Variants in SERPINB8 observed in about 807,000 individuals in gnomAD.
SERPINB8 encodes the protein serpin family B member 8, also known as serpin B8.
Under a neutral mutation model 35.3 loss-of-function variants are expected in SERPINB8, and 25 were observed. The observed-to-expected ratio is 0.71, with a 90% CI of 0.52 to 0.99. The LOEUF is 0.99. SERPINB8 is among the 50% of genes least tolerant of loss of function. SERPINB8 has a pLI of 0.00. For synonymous variants in SERPINB8, 186 were observed against 160.8 expected, an observed-to-expected ratio of 1.16 and a Z score of -1.19; for missense variants, 484 against 446.5, an observed-to-expected ratio of 1.08 and a Z score of -0.76.
intron 6 of SERPINB8, chr18:63,986,167 G>A: frequency 1.7e-6 from 2 of 1,147,192 alleles, no homozygotes; most frequent in South Asian, 1.4e-5. Context: ...TTGGAGAGGA[G>A]TACCCACCTG....
intron 1 of SERPINB8, among the ~76,000 whole-genome samples, chr18:63,974,450 G>C (rs192338571): frequency 6.6e-6 from 1 of 152,228 alleles, no homozygotes; most frequent in Non-Finnish European, 1.5e-5. Flanking sequence ...TCATATACTT[G>C]GAAACGTAAG....
intron 1 of SERPINB8, among the ~76,000 whole-genome samples, chr18:63,973,240 A>G (rs963564761): frequency 9.2e-5 from 14 of 152,244 alleles, no homozygotes; most frequent in Non-Finnish European, 1.8e-4. Flanking sequence ...TCTGATGACC[A>G]GTGATGATGA....
At chr18:64,012,991 A>G (rs2050932637) in intron 7 of SERPINB8, among the ~76,000 whole-genome samples, 1 of 152,182 alleles carries the variant, frequency 6.6e-6, no homozygotes, top group Non-Finnish European at 1.5e-5. Context: ...GAATTTCAGA[A>G]TTAGAAGAGT....
At chr18:64,001,236 T>C (rs1007349509) in intron 1 of SERPINB8, among the ~76,000 whole-genome samples, 1 of 152,198 alleles carries the variant, frequency 6.6e-6, no homozygotes, top group African/African-American at 2.4e-5. Flanking sequence ...GAATCAAGAA[T>C]GAGTACTAAG....
chr18:63,998,769 T>G (rs776801015), intron 1 of SERPINB8, among the ~76,000 whole-genome samples: 1 of 152,220 alleles, frequency 6.6e-6, no homozygotes, highest in Non-Finnish European at 1.5e-5. Context: ...TTGGGAGGCA[T>G]GAACTTGCTT....
At chr18:64,004,707 A>G (rs898577601) in intron 1 of SERPINB8, 1 of 396,722 alleles carries the variant, frequency 2.5e-6, no homozygotes, top group East Asian at 3.6e-5. Context: ...TTATCTAGCA[A>G]TGGTGCCACA....
chr18:63,997,658 C>T (rs1194155857), intron 1 of SERPINB8, among the ~76,000 whole-genome samples: 1 of 152,220 alleles, frequency 6.6e-6, no homozygotes, highest in Non-Finnish European at 1.5e-5. Context: ...CAGGCTCCCT[C>T]AACAAAGGAG....
downstream of SERPINB8, among the ~76,000 whole-genome samples, chr18:64,007,870 C>G (rs562226002): frequency 1.3e-4 from 20 of 152,258 alleles, no homozygotes; most frequent in African/African-American, 4.8e-4. Context: ...GGCGGGAACA[C>G]AGACCCAACC....
downstream of SERPINB8, among the ~76,000 whole-genome samples, chr18:63,994,069 T>C (rs1006404460): frequency 2.6e-5 from 4 of 151,982 alleles, no homozygotes; most frequent in Non-Finnish European, 5.9e-5. Context: ...ATCCCTCCTG[T>C]CCCTCCCCTT....
At chr18:64,003,042 G>T (rs1005280253) in intron 1 of SERPINB8, among the ~76,000 whole-genome samples, 108 of 152,306 alleles carry the variant, frequency 7.1e-4, no homozygotes, top group African/African-American at 2.5e-3. Flanking sequence ...TCCTCTCCTC[G>T]CATTCTCTTC....
At chr18:64,014,999 A>G (rs1046899963) in intron 7 of SERPINB8, among the ~76,000 whole-genome samples, 3 of 152,130 alleles carry the variant, frequency 2.0e-5, no homozygotes, top group Non-Finnish European at 4.4e-5. Context: ...TCCTATCTAT[A>G]ATGTTTAATT....
At chr18:64,017,907 A>G (rs978692316) in intron 7 of SERPINB8, among the ~76,000 whole-genome samples, 1 of 152,206 alleles carries the variant, frequency 6.6e-6, no homozygotes, top group Non-Finnish European at 1.5e-5. Flanking sequence ...TTTATTAGAG[A>G]AATACTAGTT....
chr18:64,009,981 A>T (rs1292735130), downstream of SERPINB8, among the ~76,000 whole-genome samples: 1 of 152,108 alleles, frequency 6.6e-6, no homozygotes, highest in Non-Finnish European at 1.5e-5. Flanking sequence ...TATATCATAA[A>T]AATTATAAAA....
At chr18:63,986,820 G>A (rs1476970383) in intron 6 of SERPINB8, 54 bp from the exon 7 acceptor site, 10 of 1,501,534 alleles carry the variant, frequency 6.7e-6, no homozygotes, top group East Asian at 2.3e-5. Context: ...ATGGGTGTGT[G>A]GGTATCAGGC....
intron 6 of SERPINB8, among the ~76,000 whole-genome samples, chr18:63,985,583 T>C (rs887713824): frequency 6.6e-6 from 1 of 152,200 alleles, no homozygotes; most frequent in Admixed American, 6.5e-5. Context: ...ATCTTGGCAG[T>C]GATTCTCAAA....
chr18:64,009,221 A>G (rs368669671), downstream of SERPINB8, among the ~76,000 whole-genome samples: 4 of 152,326 alleles, frequency 2.6e-5, no homozygotes, highest in East Asian at 3.9e-4. Flanking sequence ...GAGCTATTTC[A>G]TGTCATTCAT....
At chr18:64,012,032 T>A (rs558627999) in intron 7 of SERPINB8, among the ~76,000 whole-genome samples, 2 of 152,250 alleles carry the variant, frequency 1.3e-5, no homozygotes, top group East Asian at 3.9e-4. Context: ...TAAGCAATAT[T>A]GGGGTGAAAA....
chr18:64,013,568 G>A (rs916020831), intron 7 of SERPINB8, among the ~76,000 whole-genome samples: 64 of 152,224 alleles, frequency 4.2e-4, no homozygotes, highest in African/African-American at 1.4e-3. Flanking sequence ...TTCCTATTGT[G>A]GTAGTGTAGG....
Position 63,979,928 on chromosome 18 carries a change from A to G in SERPINB8, c.296A>G (p.Asp99Gly). 1 of 1,614,062 alleles carries G rather than the reference A, an allele frequency of 6.2e-7. No individual in the cohort carries two copies. Among genetic ancestry groups the G allele is most frequent in the South Asian group, 1.1e-5 (1 of 91,088 alleles). The change falls in exon 3 of 7, where the codon GAT (aspartate) becomes GGT (glycine). Residue 99 changes from aspartate to glycine, a missense_variant. Coordinates refer to ENST00000397985, the MANE Select transcript of SERPINB8 (RefSeq NM_002640.4). ...AGACTCTTTGGAGAAAAGACGTGTG[A>G]TTTCCTTCCAGTAAGTAGTATTCAC... ...ANRLFGEKTC[D>G]FLPDFKEYCQ... is the part of the protein sequence containing the mutation.
Sources: allele counts gnomAD v4.1 joint callset (sites outside exome capture counted in the v4.1 genomes callset), GRCh38; gene constraint gnomAD v4.1.1; transcripts MANE v1.5; gene names NCBI Gene and HGNC (gene_info 2026-07-23, HGNC 2026-07-21).